Variants in ADGRB3 observed in about 807,000 individuals in gnomAD.
The protein encoded by ADGRB3 is adhesion G protein-coupled receptor B3, also known as brain-specific angiogenesis inhibitor 3.
ADGRB3 carries 37 observed loss-of-function variants against 193.4 expected under a neutral mutation model. That is an observed-to-expected ratio of 0.19 (90% confidence interval 0.15 to 0.25). The LOEUF is 0.25. ADGRB3 is among the 10% of genes least tolerant of loss of function. The probability of loss-of-function intolerance (pLI) is 1.00; values close to 1 mark genes in which losing one functional copy is unlikely to be tolerated. For synonymous variants in ADGRB3, 690 were observed against 644.2 expected (o/e 1.07, Z -1.08); for missense variants, 1,637 against 1,852.9 (o/e 0.88, Z 2.14).
chr6:68,747,109 A>G lies in ADGRB3; in HGVS notation c.757+107677A>G, dbSNP rs536086607. 5.9e-5 allele frequency among the ~76,000 whole-genome samples: 9 copies of G among 152,332 alleles called. No individual in the cohort carries two copies. In the East Asian group the frequency reaches 1.5e-3, roughly 26 times the overall value. On this transcript the variant is annotated intron_variant, in intron 3 of 31. Transcript: ENST00000370598. The stretch of plus-strand genomic sequence containing the variant: ...AATTACCTTCATTGAATTAAATTAT[A>G]TAATCACATGTAATGCATGAAATTA...
At chr6:68,879,204 T>A (rs1765669514) in intron 3 of ADGRB3, among the ~76,000 whole-genome samples, 1 of 148,640 alleles carries the variant, frequency 6.7e-6, no homozygotes, top group African/African-American at 2.5e-5. Context: ...TCTGCTTTAC[T>A]TTTTGTCGCT....
chr6:69,233,487 A>G (rs1168645196), intron 18 of ADGRB3, 71 bp downstream of exon 18: 16 of 1,578,556 alleles, frequency 1.0e-5, no homozygotes, highest in Non-Finnish European at 1.4e-5. Flanking sequence ...TCTCCAGGGA[A>G]CTGCATTTTA....
At chr6:69,032,373 A>C (rs1770739012) in intron 13 of ADGRB3, among the ~76,000 whole-genome samples, 1 of 152,226 alleles carries the variant, frequency 6.6e-6, no homozygotes, top group Non-Finnish European at 1.5e-5. Flanking sequence ...AAATTAGTAA[A>C]GTTATCACGC....
intron 17 of ADGRB3, among the ~76,000 whole-genome samples, chr6:69,138,179 A>G (rs1774210652): frequency 6.6e-6 from 1 of 152,220 alleles, no homozygotes; most frequent in Non-Finnish European, 1.5e-5. Context: ...CTGTGTTCCC[A>G]GGAAGAAGAA....
chr6:69,156,231 G>C (rs1297603276), intron 17 of ADGRB3, among the ~76,000 whole-genome samples: 2 of 152,148 alleles, frequency 1.3e-5, no homozygotes, highest in African/African-American at 2.4e-5. Context: ...GATAATGGCA[G>C]AAAATGGTTA....
intron 3 of ADGRB3, among the ~76,000 whole-genome samples, chr6:68,895,439 G>A (rs981642771): frequency 6.6e-6 from 1 of 151,844 alleles, no homozygotes; most frequent in Non-Finnish European, 1.5e-5. Flanking sequence ...ACACCAAGAG[G>A]GTGGAATTGA....
chr6:69,076,089 C>T (rs1772221900), intron 17 of ADGRB3, 51 bp downstream of exon 17: 6 of 1,528,862 alleles, frequency 3.9e-6, no homozygotes, highest in Non-Finnish European at 5.4e-6. Context: ...TTTCAAAGCA[C>T]ATTAAGTTAG....
intron 12 of ADGRB3, 33 bp from the exon 13 acceptor site, chr6:69,018,358 T>G: frequency 7.1e-7 from 1 of 1,412,878 alleles, no homozygotes; most frequent in East Asian, 2.3e-5. Flanking sequence ...GTATAGATTT[T>G]TTATTCCTTC....
At chr6:69,169,387 T>G (rs952550090) in intron 17 of ADGRB3, among the ~76,000 whole-genome samples, 4 of 151,890 alleles carry the variant, frequency 2.6e-5, no homozygotes, top group Admixed American at 2.6e-4. Context: ...CTTACTTATT[T>G]TAAATTTGTC....
At chr6:69,331,934 C>CAGGA in intron 23 of ADGRB3, 1 of 985,312 alleles carries the variant, frequency 1.0e-6, no homozygotes, top group African/African-American at 1.7e-5. Context: ...AAGAGTGACT[C>CAGGA]TTCCTAAGTC....
chr6:68,842,370 G>A (rs1347290090), intron 3 of ADGRB3, among the ~76,000 whole-genome samples: 1 of 151,830 alleles, frequency 6.6e-6, no homozygotes, highest in Admixed American at 6.6e-5. Flanking sequence ...AACATCATTA[G>A]AGGCTAATGT....
rs576997483 is a variant in ADGRB3 at position 68,686,678 on chromosome 6, T to C, written c.757+47246T>C. 1.0e-3 allele frequency among the ~76,000 whole-genome samples: 159 copies of C among 152,308 alleles called. 2 individuals are homozygous for C. The South Asian group carries it at 0.012, about 11-fold the overall frequency. On this transcript the variant is annotated intron_variant, in intron 3 of 31. Coordinates refer to ENST00000370598, the MANE Select transcript of ADGRB3 (RefSeq NM_001704.3). Reference sequence around the variant, plus strand: ...GAGATATCTAAGATACTGGCTGTTGTTGGTGCTGTCAATTGTCAGTCTTTC... The same window carrying C: ...GAGATATCTAAGATACTGGCTGTTGCTGGTGCTGTCAATTGTCAGTCTTTC...
At chr6:69,007,256 A>G (rs925247611) in intron 11 of ADGRB3, among the ~76,000 whole-genome samples, 8 of 152,222 alleles carry the variant, frequency 5.3e-5, no homozygotes, top group African/African-American at 1.9e-4. Context: ...AATAATTAAG[A>G]CAAACTGAAT....
At chr6:69,078,509 A>G (rs560141948) in intron 17 of ADGRB3, among the ~76,000 whole-genome samples, 8 of 152,194 alleles carry the variant, frequency 5.3e-5, no homozygotes, top group African/African-American at 1.9e-4. Flanking sequence ...TAAATTCAAC[A>G]AATATCTTGG....
chr6:68,777,061 T>A (rs1766760754), intron 3 of ADGRB3, among the ~76,000 whole-genome samples: 1 of 152,134 alleles, frequency 6.6e-6, no homozygotes, highest in Non-Finnish European at 1.5e-5. Flanking sequence ...TGATTTAATA[T>A]ACAATGTGCA....
At chr6:68,754,063 C>G (rs1441003645) in intron 3 of ADGRB3, among the ~76,000 whole-genome samples, 1 of 152,048 alleles carries the variant, frequency 6.6e-6, no homozygotes, top group Non-Finnish European at 1.5e-5. Context: ...GTGGGGAGAG[C>G]TTAGTGCTAC....
chr6:69,214,724 T>C (rs1042862015), intron 17 of ADGRB3, among the ~76,000 whole-genome samples: 4 of 151,792 alleles, frequency 2.6e-5, no homozygotes, highest in Admixed American at 2.0e-4. Context: ...CATGTCTCAG[T>C]TTCTGTCAGG....
intron 17 of ADGRB3, among the ~76,000 whole-genome samples, chr6:69,095,602 G>A (rs1314320889): frequency 1.3e-5 from 2 of 152,250 alleles, no homozygotes; most frequent in Admixed American, 6.5e-5. Context: ...CGTTTATCAC[G>A]TGTTCTAATA....
At chr6:68,847,655 T>G (rs1034472120) in intron 3 of ADGRB3, among the ~76,000 whole-genome samples, 1 of 152,174 alleles carries the variant, frequency 6.6e-6, no homozygotes, top group African/African-American at 2.4e-5. Context: ...TCCCCAGCCA[T>G]GTGGAACTGT....
Sources: gnomAD v4.1 joint callset for allele counts (sites outside exome capture counted in the v4.1 genomes callset) on GRCh38, gnomAD v4.1.1 for gene constraint, MANE v1.5 for transcripts, NCBI Gene and HGNC (gene_info 2026-07-23, HGNC 2026-07-21) for gene names.